The following PTPN4 variants were observed in gnomAD, a reference collection of about 807,000 sequenced individuals.
PTPN4 encodes tyrosine-protein phosphatase non-receptor type 4.
PTPN4 carries 49 observed loss-of-function variants against 135.5 expected under a neutral mutation model. The observed-to-expected ratio is 0.36, with a 90% CI of 0.29 to 0.46. The LOEUF (loss-of-function observed/expected upper bound fraction) is 0.46, where lower values mean the gene tolerates loss of function less well. PTPN4 is among the 20% of genes least tolerant of loss of function. PTPN4 has a pLI of 1.00. For missense variants in PTPN4, 860 were observed against 1,101.0 expected (o/e 0.78, Z 3.10); for synonymous variants, 333 against 369.9 (o/e 0.90, Z 1.14).
intron 2 of PTPN4, among the ~76,000 whole-genome samples, chr2:119,857,885 G>A (rs1677705254): frequency 6.6e-6 from 1 of 152,122 alleles, no homozygotes; most frequent in South Asian, 2.1e-4. Flanking sequence ...GCTGAAATGT[G>A]ATTCCCAGTG....
chr2:119,932,597 T>C, intron 14 of PTPN4, 48 bp downstream of exon 14: 3 of 1,524,468 alleles, frequency 2.0e-6, no homozygotes, highest in Non-Finnish European at 2.7e-6. Flanking sequence ...TTTGCTAATT[T>C]CTAATTATTG....
intron 20 of PTPN4, among the ~76,000 whole-genome samples, chr2:119,955,761 C>A (rs1223234917): frequency 6.6e-6 from 1 of 151,850 alleles, no homozygotes; most frequent in Non-Finnish European, 1.5e-5. Flanking sequence ...CACGGTGAAA[C>A]CCCGTCTCTA....
intron 2 of PTPN4, among the ~76,000 whole-genome samples, chr2:119,856,554 G>A (rs531707434): frequency 6.6e-6 from 1 of 152,288 alleles, no homozygotes; most frequent in South Asian, 2.1e-4. Context: ...CTACGATGAT[G>A]AGTTGTGGGT....
rs539612868 is a variant in PTPN4 at position 119,894,337 on chromosome 2, A to G, written c.676-6381A>G. Among the ~76,000 whole-genome samples the G allele has an allele frequency of 2.2e-4, 33 of 152,340 alleles. 1 individual carries two copies. Among genetic ancestry groups the G allele is most frequent in the Admixed American group, 8.5e-4 (13 of 15,310 alleles). ...CATATGACTTTATCCATGTCACTCT[A>G]CTGTACTCAAATCACATAGTGGTTT... On this transcript the variant is annotated intron_variant, in intron 9 of 26. Transcript: ENST00000263708.
intron 1 of PTPN4, among the ~76,000 whole-genome samples, chr2:119,795,056 G>C (rs750607838): frequency 4.6e-5 from 7 of 152,090 alleles, no homozygotes; most frequent in Non-Finnish European, 7.4e-5. Flanking sequence ...TGGTTGTCCT[G>C]TTGTCTCCTC....
At chr2:119,878,247 TG>T (rs1678014827) in intron 5 of PTPN4, among the ~76,000 whole-genome samples, 1 of 152,152 alleles carries the variant, frequency 6.6e-6, no homozygotes, top group Non-Finnish European at 1.5e-5. Context: ...AAGGTAGAAA[TG>T]GAGAAATACC....
chr2:119,869,159 T>C (rs1677873838), intron 3 of PTPN4, among the ~76,000 whole-genome samples: 1 of 152,124 alleles, frequency 6.6e-6, no homozygotes, highest in Non-Finnish European at 1.5e-5. Context: ...CACTATATGG[T>C]TCCATTTATA....
intron 2 of PTPN4, among the ~76,000 whole-genome samples, chr2:119,828,667 G>A (rs1677178620): frequency 6.6e-6 from 1 of 152,164 alleles, no homozygotes; most frequent in African/African-American, 2.4e-5. Context: ...TTATGAGACT[G>A]CATTTGTCCC....
In PTPN4 at chr2:119,982,522, A is replaced by G. The variant is rs2105073086; in HGVS notation, c.*5452A>G. ...AATCATTGAAGCATTTTCAGATATA[A>G]TGTACATTCTTTTTCATTTTGCTTT... On this transcript the variant is annotated 3_prime_UTR_variant, in exon 27 of 27. Coordinates refer to ENST00000263708, the MANE Select transcript of PTPN4 (RefSeq NM_002830.4). 1 of 152,320 alleles carries G rather than the reference A, an allele frequency of 6.6e-6. No individual in the cohort carries two copies. Among genetic ancestry groups the G allele is most frequent in the East Asian group, 1.9e-4 (1 of 5,190 alleles). The allele number at this position is 152,320 out of a possible 1,614,324, so 9.4% of individuals were successfully genotyped here.
At chr2:119,838,892 G>A (rs985247216) in intron 2 of PTPN4, among the ~76,000 whole-genome samples, 56 of 151,992 alleles carry the variant, frequency 3.7e-4, no homozygotes, top group African/African-American at 1.3e-3. Flanking sequence ...AGCCTACTGG[G>A]GATTTTGGTA....
intron 1 of PTPN4, among the ~76,000 whole-genome samples, chr2:119,783,680 C>T (rs1049855100): frequency 1.3e-5 from 2 of 152,090 alleles, no homozygotes; most frequent in Non-Finnish European, 2.9e-5. Context: ...CCTGCGTAAC[C>T]GTAGGCAAGC....
chr2:119,932,626 T>C, intron 14 of PTPN4, 77 bp downstream of exon 14: 1 of 1,436,476 alleles, frequency 7.0e-7, no homozygotes, highest in Non-Finnish European at 9.4e-7. Context: ...TTTTTATGCC[T>C]GAAGACAAAG....
intron 2 of PTPN4, among the ~76,000 whole-genome samples, chr2:119,836,301 A>G (rs1285595102): frequency 6.6e-6 from 1 of 152,206 alleles, no homozygotes; most frequent in Non-Finnish European, 1.5e-5. Context: ...TCAGCCTGAG[A>G]CACTCAAGGA....
intron 1 of PTPN4, 79 bp from the exon 2 acceptor site, chr2:119,809,758 T>C (rs577469737): frequency 3.3e-6 from 4 of 1,228,106 alleles, no homozygotes; most frequent in Middle Eastern, 2.0e-4. Context: ...TTGAGAAATA[T>C]ATAATAACTT....
intron 26 of PTPN4, among the ~76,000 whole-genome samples, chr2:119,970,826 C>T (rs1293798668): frequency 6.6e-6 from 1 of 152,164 alleles, no homozygotes; most frequent in African/African-American, 2.4e-5. Context: ...AGTGGAATTG[C>T]CAGGTCATGT....
chr2:119,869,267 C>G (rs1376431753), intron 3 of PTPN4, among the ~76,000 whole-genome samples: 1 of 152,192 alleles, frequency 6.6e-6, no homozygotes, highest in Non-Finnish European at 1.5e-5. Flanking sequence ...GCACAGGAAA[C>G]ACTTTAGGGT....
intron 1 of PTPN4, among the ~76,000 whole-genome samples, chr2:119,798,531 C>G (rs13030004): frequency 0.62 from 93,646 of 152,032 alleles, 30,334 homozygotes; most frequent in East Asian, 0.83. Flanking sequence ...ATCTTCTTTC[C>G]CCTTTTAAAA....
At chr2:119,929,168 G>A (rs1469643145) in intron 13 of PTPN4, among the ~76,000 whole-genome samples, 1 of 152,096 alleles carries the variant, frequency 6.6e-6, no homozygotes, top group Non-Finnish European at 1.5e-5. Flanking sequence ...CAATGAGGTT[G>A]TAATAGTACT....
intron 2 of PTPN4, among the ~76,000 whole-genome samples, chr2:119,846,552 ATT>A (rs544118988): frequency 7.2e-6 from 1 of 139,788 alleles, no homozygotes; most frequent in Non-Finnish European, 1.6e-5. Context: ...CTTGCGTCTT[ATT>A]TTTTTTTTTT....
Sources: gnomAD v4.1 joint callset for allele counts (sites outside exome capture counted in the v4.1 genomes callset) on GRCh38, gnomAD v4.1.1 for gene constraint, MANE v1.5 for transcripts, NCBI Gene and HGNC (gene_info 2026-07-23, HGNC 2026-07-21) for gene names.